TCERG1: variants seen among roughly 807,000 people sequenced by gnomAD.
TCERG1 encodes the protein transcription elongation regulator 1.
Under a neutral mutation model 144.7 loss-of-function variants are expected in TCERG1, and 37 were observed. That is an observed-to-expected ratio of 0.26 (90% CI 0.20 to 0.34). The LOEUF is 0.34. TCERG1 is among the 10% of genes least tolerant of loss of function. The pLI is 1.00. For missense variants in TCERG1, 1,027 were observed against 1,380.7 expected (o/e 0.74, Z 4.06); for synonymous variants, 492 against 458.2 (o/e 1.07, Z -0.94).
intron 19 of TCERG1, 58 bp downstream of exon 19, chr5:146,504,064 T>C (rs1038426281): frequency 3.0e-6 from 4 of 1,349,012 alleles, no homozygotes; most frequent in Non-Finnish European, 3.9e-6. Context: ...AAATTTATTA[T>C]GTTACTGTTA....
At chr5:146,485,374 C>A (rs534378184) in intron 15 of TCERG1, among the ~76,000 whole-genome samples, 2 of 152,312 alleles carry the variant, frequency 1.3e-5, no homozygotes, top group East Asian at 3.9e-4. Context: ...CCTCCTCCTG[C>A]AAAATATAAA....
chr5:146,494,327 TTAAGA>T (rs1210470986), intron 16 of TCERG1, among the ~76,000 whole-genome samples: 1 of 152,176 alleles, frequency 6.6e-6, no homozygotes, highest in East Asian at 1.9e-4. Flanking sequence ...AAGTGAAGTC[TTAAGA>T]TGTCTGCAGC....
At chr5:146,501,167 G>A (rs968067315) in intron 17 of TCERG1, among the ~76,000 whole-genome samples, 2 of 152,090 alleles carry the variant, frequency 1.3e-5, no homozygotes, top group African/African-American at 4.8e-5. Flanking sequence ...TGTAATTGGA[G>A]TTAATACACT....
chr5:146,463,063 C>T (rs1313332630), intron 4 of TCERG1, among the ~76,000 whole-genome samples: 1 of 152,180 alleles, frequency 6.6e-6, no homozygotes, highest in African/African-American at 2.4e-5. Context: ...CTAATTTCTG[C>T]TTCTGGCCTA....
At chr5:146,496,216 G>A (rs1173677814) in intron 16 of TCERG1, among the ~76,000 whole-genome samples, 2 of 152,134 alleles carry the variant, frequency 1.3e-5, no homozygotes, top group Non-Finnish European at 2.9e-5. Flanking sequence ...AGGCTCATTA[G>A]CCCTCATAAG....
At chr5:146,487,950 A>G (rs1388775510) in intron 15 of TCERG1, among the ~76,000 whole-genome samples, 3 of 152,150 alleles carry the variant, frequency 2.0e-5, no homozygotes, top group Admixed American at 6.5e-5. Flanking sequence ...TAATCCATAT[A>G]TCTATAGGCA....
intron 22 of TCERG1, chr5:146,510,184 C>T: frequency 1.0e-6 from 1 of 997,892 alleles, no homozygotes; most frequent in South Asian, 1.5e-5. Context: ...AAGATTTACC[C>T]ACCCACCCTC....
rs544818965 is a variant in TCERG1, at chr5:146,493,085, C to T, written c.2282+47C>T. ...AATATCAAAGTGTATTTATTTTCTCCTAAGATCAGTTTTTAAAAATTAAAA... is the reference window on the plus strand; with the variant it reads ...AATATCAAAGTGTATTTATTTTCTCTTAAGATCAGTTTTTAAAAATTAAAA... On this transcript the variant is annotated intron_variant, in intron 16 of 22. Coordinates refer to ENST00000679501, the MANE Select transcript of TCERG1 (RefSeq NM_001382548.1). 62 of 1,293,912 alleles carry T rather than the reference C, an allele frequency of 4.8e-5. No homozygotes were observed. The East Asian group carries it at 1.5e-3, about 32-fold the overall frequency. 80.2% of individuals were successfully genotyped at this position (1,293,912 alleles called of 1,614,324 possible).
At chr5:146,471,700 G>A in intron 9 of TCERG1, 124 bp downstream of exon 9, 1 of 633,616 alleles carries the variant, frequency 1.6e-6, no homozygotes, top group Non-Finnish European at 2.7e-6. Context: ...CCTAGTTCAA[G>A]CGATTCTCCT....
At chr5:146,475,751 G>A (rs529426718) in intron 9 of TCERG1, among the ~76,000 whole-genome samples, 3 of 152,232 alleles carry the variant, frequency 2.0e-5, no homozygotes, top group Admixed American at 2.0e-4. Flanking sequence ...TAGTGGTAAT[G>A]TATTTCTTTT....
intron 17 of TCERG1, among the ~76,000 whole-genome samples, chr5:146,500,980 C>A (rs1767374689): frequency 6.8e-6 from 1 of 147,678 alleles, no homozygotes; most frequent in Non-Finnish European, 1.5e-5. Context: ...TGCACTCCAG[C>A]CTGGACAACA....
chr5:146,485,869 A>G (rs1225773236), intron 15 of TCERG1, among the ~76,000 whole-genome samples: 6 of 151,970 alleles, frequency 3.9e-5, no homozygotes, highest in Non-Finnish European at 7.4e-5. Flanking sequence ...TAATTTTTCT[A>G]TCTTTAGTAG....
chr5:146,470,808 G>T, intron 8 of TCERG1, 60 bp downstream of exon 8: 2 of 1,147,776 alleles, frequency 1.7e-6, no homozygotes, highest in South Asian at 1.4e-5. Context: ...CAGCTTACTT[G>T]TATCTGAGTA....
At chr5:146,505,298 C>A (rs1767872264) in intron 19 of TCERG1, among the ~76,000 whole-genome samples, 1 of 152,136 alleles carries the variant, frequency 6.6e-6, no homozygotes, top group African/African-American at 2.4e-5. Context: ...CGTTCTGTTG[C>A]AGTCACAGAA....
rs773920453 is a variant in TCERG1 at position 146,469,629 on chromosome 5, A to G, written c.1284A>G (p.Gly428=). ...AIAASPATLA[G]ATAVSEWTEY... The stretch of plus-strand genomic sequence containing the variant: ...CAGCTTCACCTGCTACCTTAGCTGG[A>G]GCAACAGCAGTTTCTGAATGGACTG... Residue 428 remains glycine, a synonymous_variant, in exon 7 of 23, where the codon GGA becomes GGG. Transcript: ENST00000679501. 3.1e-6 allele frequency: 5 copies of G among 1,613,660 alleles called. No homozygotes were observed. Among genetic ancestry groups the G allele is most frequent in the Non-Finnish European group, 4.2e-6 (5 of 1,179,728 alleles).
chr5:146,485,205 C>G (rs1045928988), intron 15 of TCERG1, among the ~76,000 whole-genome samples: 1 of 152,158 alleles, frequency 6.6e-6, no homozygotes, highest in Non-Finnish European at 1.5e-5. Context: ...TCTGCCTGGA[C>G]TGTTTTTCCT....
intron 15 of TCERG1, among the ~76,000 whole-genome samples, chr5:146,484,139 G>T (rs1377282063): frequency 1.3e-5 from 2 of 152,010 alleles, no homozygotes; most frequent in Non-Finnish European, 2.9e-5. Context: ...TTGAACATAG[G>T]TTTATGTCTT....
intron 1 of TCERG1, among the ~76,000 whole-genome samples, chr5:146,448,106 T>C (rs998781457): frequency 6.6e-6 from 1 of 152,162 alleles, no homozygotes; most frequent in Non-Finnish European, 1.5e-5. Context: ...CTATTAACAT[T>C]TTGCAGGCCA....
intron 1 of TCERG1, among the ~76,000 whole-genome samples, chr5:146,448,526 G>C (rs1762093052): frequency 6.6e-6 from 1 of 152,200 alleles, no homozygotes; most frequent in South Asian, 2.1e-4. Flanking sequence ...GAATTGTGCT[G>C]TTGTCAACGT....
Sources: allele counts gnomAD v4.1 joint callset (sites outside exome capture counted in the v4.1 genomes callset), GRCh38; gene constraint gnomAD v4.1.1; transcripts MANE v1.5; gene names NCBI Gene and HGNC (gene_info 2026-07-23, HGNC 2026-07-21).